The following PHYH variants were observed in gnomAD, a reference collection of about 807,000 sequenced individuals.
The protein encoded by PHYH is phytanoyl-CoA dioxygenase, peroxisomal.
PHYH carries 32 observed loss-of-function variants against 38.5 expected under a neutral mutation model. The ratio of observed to expected loss-of-function variants is 0.83; its 90% CI spans 0.63 to 1.12. The LOEUF (loss-of-function observed/expected upper bound fraction) is 1.12, where lower values mean the gene tolerates loss of function less well. PHYH is among the 50% of genes most tolerant of loss of function. The pLI, the probability that PHYH is intolerant of heterozygous loss-of-function variation, is 0.00. For synonymous variants in PHYH, 166 were observed against 157.9 expected (o/e 1.05, Z -0.38); for missense variants, 426 against 434.8 (o/e 0.98, Z 0.18).
chr10:13,297,641 G>A (rs753708405), intron 2 of PHYH, among the ~76,000 whole-genome samples: 16 of 151,788 alleles, frequency 1.1e-4, no homozygotes, highest in Non-Finnish European at 1.9e-4. Context: ...TTTTCATTTT[G>A]TAGAGGTGGG....
At chr10:13,291,748 G>T in intron 5 of PHYH, 83 bp downstream of exon 5, 2 of 893,544 alleles carry the variant, frequency 2.2e-6, no homozygotes, top group Non-Finnish European at 3.7e-6. Flanking sequence ...TAAAATGCTG[G>T]GATTACAGGC....
chr10:13,290,244 G>A (rs535929730), intron 5 of PHYH, among the ~76,000 whole-genome samples: 6 of 150,312 alleles, frequency 4.0e-5, no homozygotes, highest in South Asian at 4.3e-4. Flanking sequence ...GCAGTAAGCC[G>A]AGATTGAGCC....
Sources: allele counts gnomAD v4.1 joint callset (sites outside exome capture counted in the v4.1 genomes callset), GRCh38; gene constraint gnomAD v4.1.1; transcripts MANE v1.5; gene names NCBI Gene and HGNC (gene_info 2026-07-23, HGNC 2026-07-21).